The following PLCE1 variants were observed in gnomAD, a reference collection of about 807,000 sequenced individuals.
PLCE1 encodes phospholipase C epsilon 1.
In PLCE1, 119 loss-of-function variants were observed where a neutral mutation model predicts 242.8. The ratio of observed to expected loss-of-function variants is 0.49; its 90% CI spans 0.42 to 0.57. PLCE1 has a LOEUF of 0.57. Among genes scored for constraint, PLCE1 ranks in the 20% least tolerant of loss-of-function variants. The pLI is 0.00. For synonymous variants in PLCE1, 945 were observed against 1,017.4 expected (o/e 0.93, Z 1.35); for missense variants, 2,441 against 2,788.8 (o/e 0.88, Z 2.81).
chr10:94,006,695 G>C (rs553593647), intron 1 of PLCE1, among the ~76,000 whole-genome samples: 1 of 152,290 alleles, frequency 6.6e-6, no homozygotes, highest in African/African-American at 2.4e-5. Flanking sequence ...CTTGTTCTTG[G>C]CTAAGCTCAC....
chr10:94,295,560 C>T (rs904035340), intron 23 of PLCE1, among the ~76,000 whole-genome samples: 3 of 152,200 alleles, frequency 2.0e-5, no homozygotes, highest in African/African-American at 7.2e-5. Flanking sequence ...TTCTCCCAAA[C>T]TTCTGTTAAT....
intron 19 of PLCE1, among the ~76,000 whole-genome samples, chr10:94,278,793 T>A (rs1009133438): frequency 3.8e-4 from 57 of 151,986 alleles, no homozygotes; most frequent in African/African-American, 1.4e-3. Context: ...ATATGTATAT[T>A]TATATAGTGT....
chr10:94,217,290 T>C (rs1589365742), intron 4 of PLCE1, among the ~76,000 whole-genome samples: 2 of 152,138 alleles, frequency 1.3e-5, no homozygotes, highest in South Asian at 4.2e-4. Flanking sequence ...TTATTGTAAT[T>C]ATGATTATGA....
At position 94,324,403 on chromosome 10, in the gene PLCE1, G is replaced by A. The variant is rs765395358; in HGVS notation, c.6556G>A (p.Asp2186Asn). 8 of 1,614,116 alleles carry A rather than the reference G, an allele frequency of 5.0e-6. No individual in the cohort carries two copies. Among genetic ancestry groups the A allele is most frequent in the Admixed American group, 3.3e-5 (2 of 60,014 alleles). Residue 2186 changes from aspartate (D) to asparagine (N), a missense_variant, in exon 31 of 33, where the codon GAC becomes AAC. This residue lies in a region of PLCE1 where 310 missense variants were observed against 317.2 expected (regional missense o/e 0.98). Transcript: ENST00000371380. ...CATCCTGAGCAACCCCAATCCAAGC[G>A]ACTATGTGCTTTTGGAAGAGGTGGT... ...YSILSNPNPS[D>N]YVLLEEVVKD...
chr10:94,140,976 A>T (rs2046937148), intron 3 of PLCE1, among the ~76,000 whole-genome samples: 1 of 152,256 alleles, frequency 6.6e-6, no homozygotes, highest in Non-Finnish European at 1.5e-5. Context: ...AATGGAGAAG[A>T]TCACATCTGG....
intron 2 of PLCE1, chr10:94,104,265 AAG>A (rs887643305): frequency 6.6e-6 from 1 of 152,246 alleles, no homozygotes; most frequent in African/African-American, 2.4e-5. Flanking sequence ...GTGAGGCAGA[AAG>A]GAGCTAATTA....
chr10:94,203,127 A>T (rs757431285), intron 4 of PLCE1, among the ~76,000 whole-genome samples: 9 of 152,204 alleles, frequency 5.9e-5, no homozygotes, highest in Non-Finnish European at 1.2e-4. Flanking sequence ...TGGAAAACTT[A>T]GAACTTAGAA....
At chr10:94,210,511 C>A (rs2049299316) in intron 4 of PLCE1, among the ~76,000 whole-genome samples, 1 of 152,190 alleles carries the variant, frequency 6.6e-6, no homozygotes, top group Non-Finnish European at 1.5e-5. Context: ...TCACCAAAAT[C>A]ACTCAAGTCC....
chr10:94,147,588 T>C (rs1440858512), intron 3 of PLCE1, among the ~76,000 whole-genome samples: 1 of 152,206 alleles, frequency 6.6e-6, no homozygotes, highest in Non-Finnish European at 1.5e-5. Flanking sequence ...TGCTAGGCAC[T>C]ATATTGTGAC....
intron 4 of PLCE1, among the ~76,000 whole-genome samples, chr10:94,220,794 T>G (rs1226106401): frequency 6.6e-6 from 1 of 152,140 alleles, no homozygotes; most frequent in East Asian, 1.9e-4. Flanking sequence ...GTAAACAGTA[T>G]GCCCATTTTA....
intron 5 of PLCE1, among the ~76,000 whole-genome samples, chr10:94,227,822 G>T (rs908183416): frequency 2.0e-5 from 3 of 152,146 alleles, no homozygotes; most frequent in Non-Finnish European, 4.4e-5. Context: ...GTGTTCCAGG[G>T]CTATATGCTA....
At chr10:94,264,512 ATTTTT>A (rs59860171) in intron 14 of PLCE1, among the ~76,000 whole-genome samples, 8 of 73,106 alleles carry the variant, frequency 1.1e-4, no homozygotes, top group South Asian at 5.9e-4. Context: ...ACATGATTTG[ATTTTT>A]TTTTTTTTTT....
chr10:94,054,346 T>A (rs374940039), intron 2 of PLCE1, among the ~76,000 whole-genome samples: 16 of 152,330 alleles, frequency 1.1e-4, no homozygotes, highest in East Asian at 3.9e-4. Flanking sequence ...TGCCTGAATT[T>A]TGGCCACTGG....
chr10:94,133,577 T>C (rs2046674376), intron 3 of PLCE1, among the ~76,000 whole-genome samples: 1 of 152,186 alleles, frequency 6.6e-6, no homozygotes, highest in Non-Finnish European at 1.5e-5. Context: ...ACCTTCCTCC[T>C]TGATCCTCAG....
At chr10:94,061,297 A>T (rs763476650) in intron 2 of PLCE1, among the ~76,000 whole-genome samples, 10 of 152,200 alleles carry the variant, frequency 6.6e-5, no homozygotes, top group Non-Finnish European at 1.5e-4. Context: ...AGATGTAAAG[A>T]TTAGCTTAAG....
At chr10:94,015,433 A>T (rs2061259113) in intron 1 of PLCE1, among the ~76,000 whole-genome samples, 1 of 152,176 alleles carries the variant, frequency 6.6e-6, no homozygotes, top group African/African-American at 2.4e-5. Flanking sequence ...TCCTGAGATG[A>T]ATGGTTAAGT....
intron 2 of PLCE1, among the ~76,000 whole-genome samples, chr10:94,082,639 TA>T (rs1200359276): frequency 2.0e-5 from 3 of 152,242 alleles, no homozygotes; most frequent in African/African-American, 4.8e-5. Context: ...TAGGTGCTCA[TA>T]ATGTATTTTT....
At chr10:94,312,591 G>A (rs941000202) in intron 27 of PLCE1, among the ~76,000 whole-genome samples, 1 of 152,026 alleles carries the variant, frequency 6.6e-6, no homozygotes, top group Non-Finnish European at 1.5e-5. Context: ...CCTCTTCTAG[G>A]CCACCTCCTC....
At chr10:94,163,569 T>C (rs565308510) in intron 3 of PLCE1, among the ~76,000 whole-genome samples, 3 of 152,230 alleles carry the variant, frequency 2.0e-5, no homozygotes, top group Non-Finnish European at 2.9e-5. Context: ...TGAGATGGGT[T>C]TCCTGAATAC....
Sources: gnomAD v4.1 joint callset for allele counts (sites outside exome capture counted in the v4.1 genomes callset) on GRCh38, gnomAD v4.1.1 for gene constraint, gnomAD v4.1.1 regional missense constraint, MANE v1.5 for transcripts, NCBI Gene and HGNC (gene_info 2026-07-23, HGNC 2026-07-21) for gene names.